The following ARMC3 variants were observed in gnomAD, a reference collection of about 807,000 sequenced individuals.
ARMC3 encodes armadillo repeat-containing protein 3.
ARMC3 carries 74 observed loss-of-function variants against 90.3 expected under a neutral mutation model. The ratio of observed to expected loss-of-function variants is 0.82; its 90% CI spans 0.68 to 0.99. The LOEUF (loss-of-function observed/expected upper bound fraction) is 0.99, where lower values mean the gene tolerates loss of function less well. Among genes scored for constraint, ARMC3 ranks in the 50% least tolerant of loss-of-function variants. The probability of loss-of-function intolerance (pLI) is 0.00; values close to 1 mark genes in which losing one functional copy is unlikely to be tolerated. For synonymous variants in ARMC3, 334 were observed against 361.8 expected, an observed-to-expected ratio of 0.92 and a Z score of 0.87; for missense variants, 958 against 1,042.8, an observed-to-expected ratio of 0.92 and a Z score of 1.12.
intron 10 of ARMC3, among the ~76,000 whole-genome samples, chr10:22,984,716 T>C (rs114093609): frequency 0.02 from 3,055 of 152,286 alleles, 92 homozygotes; most frequent in African/African-American, 0.062. Flanking sequence ...ATCACCTTAA[T>C]TGATGCCAAA....
At position 23,037,636 on chromosome 10, in the gene ARMC3, C is replaced by A. The variant is rs1449815265; in HGVS notation, c.*157C>A. 5.8e-6 allele frequency: 4 copies of A among 694,978 alleles called. No homozygotes were observed. The Admixed American group carries it at 9.9e-5, about 17-fold the overall frequency. The allele number at this position is 694,978 out of a possible 1,614,324, so 43.1% of individuals were successfully genotyped here. ...TAGAAATTAGGAAGCTTGGAGTGAACTTTGCTGTGCTTCTGATTTCAGGCT... is the reference window on the plus strand; with the variant it reads ...TAGAAATTAGGAAGCTTGGAGTGAAATTTGCTGTGCTTCTGATTTCAGGCT... On this transcript the variant is annotated 3_prime_UTR_variant, in exon 19 of 19. Transcript: ENST00000298032.
intron 18 of ARMC3, 149 bp from the exon 19 acceptor site, chr10:23,037,121 C>G: frequency 3.0e-6 from 2 of 659,114 alleles, no homozygotes; most frequent in South Asian, 5.9e-5. Flanking sequence ...GCCCCTATAC[C>G]AATAGTCCAC....
rs538156490 is a variant in ARMC3, at chr10:22,967,923, T to C, written c.733-383T>C. On this transcript the variant is annotated intron_variant, in intron 7 of 18. Coordinates refer to ENST00000298032, the MANE Select transcript of ARMC3 (RefSeq NM_173081.5). ...GGCCACACACTCGCAATACTTCTGTTATAGTCACAAATTATTTTAAAGTAT... is the reference window on the plus strand; with the variant it reads ...GGCCACACACTCGCAATACTTCTGTCATAGTCACAAATTATTTTAAAGTAT... 2.0e-5 allele frequency among the ~76,000 whole-genome samples: 3 copies of C among 152,346 alleles called. No homozygotes were observed. The South Asian group carries it at 6.2e-4, about 32-fold the overall frequency.
chr10:22,987,633 T>C (rs920296289), intron 10 of ARMC3, among the ~76,000 whole-genome samples: 3 of 152,206 alleles, frequency 2.0e-5, no homozygotes, highest in African/African-American at 4.8e-5. Flanking sequence ...AACTGAAGTT[T>C]TGTTACAGTA....
At chr10:22,949,279 AAGC>A (rs1834650311) in intron 3 of ARMC3, among the ~76,000 whole-genome samples, 1 of 152,244 alleles carries the variant, frequency 6.6e-6, no homozygotes, top group African/African-American at 2.4e-5. Context: ...GCATGAAAAA[AAGC>A]AGAAAAAACG....
intron 14 of ARMC3, among the ~76,000 whole-genome samples, chr10:23,008,058 C>T (rs1242493565): frequency 3.9e-5 from 6 of 152,050 alleles, no homozygotes; most frequent in East Asian, 3.9e-4. Context: ...GAGCCATCAT[C>T]GCACCACTGC....
chr10:22,970,840 C>T (rs1165590093), intron 8 of ARMC3, among the ~76,000 whole-genome samples: 3 of 152,112 alleles, frequency 2.0e-5, no homozygotes, highest in Non-Finnish European at 4.4e-5. Flanking sequence ...AGAAGGGGAG[C>T]GGTTTTGCTT....
chr10:22,962,268 T>A (rs1835232281), intron 7 of ARMC3, among the ~76,000 whole-genome samples, 190 bp downstream of exon 7: 1 of 152,218 alleles, frequency 6.6e-6, no homozygotes, highest in Non-Finnish European at 1.5e-5. Context: ...TTAAAAATCT[T>A]CTAGTTTAGC....
At chr10:23,013,032 A>G (rs1309273406) in intron 16 of ARMC3, among the ~76,000 whole-genome samples, 1 of 151,760 alleles carries the variant, frequency 6.6e-6, no homozygotes, top group Non-Finnish European at 1.5e-5. Flanking sequence ...GGGATTACAG[A>G]TGCGTGCCAT....
chr10:22,971,478 TCACC>T (rs1297115228), intron 8 of ARMC3, among the ~76,000 whole-genome samples: 1 of 145,622 alleles, frequency 6.9e-6, no homozygotes, highest in Non-Finnish European at 1.5e-5. Context: ...TCTCGCTCCA[TCACC>T]CAGGCTGGAG....
chr10:22,958,102 T>C lies in ARMC3; in HGVS notation c.293-968T>C, dbSNP rs138402862. On this transcript the variant is annotated intron_variant, in intron 4 of 18. Coordinates refer to ENST00000298032, the MANE Select transcript of ARMC3 (RefSeq NM_173081.5). ...ACACAAACCTTTGTAATATGTCTTA[T>C]GCAATTCTTTATTTTAAAAGTAGGA... 1.8e-3 allele frequency among the ~76,000 whole-genome samples: 268 copies of C among 152,268 alleles called. 1 individual carries two copies. Among genetic ancestry groups the C allele is most frequent in the African/African-American group, 6.1e-3 (254 of 41,568 alleles).
In ARMC3 at chr10:22,958,739, C is replaced by T. The variant is rs1419966744; in HGVS notation, c.293-331C>T. Among the ~76,000 whole-genome samples the T allele has an allele frequency of 6.6e-5, 10 of 152,118 alleles. No homozygotes were observed. In the East Asian group the frequency reaches 1.4e-3, roughly 21 times the overall value. On this transcript the variant is annotated intron_variant, in intron 4 of 18. Transcript: ENST00000298032. Reference sequence around the variant, plus strand: ...ACTACCATTATCATTATTATTATTTCGAGACAGGGTCTCACTCTGTTGCCC... The same window carrying T: ...ACTACCATTATCATTATTATTATTTTGAGACAGGGTCTCACTCTGTTGCCC...
At chr10:23,008,153 T>C in intron 14 of ARMC3, 123 bp from the exon 15 acceptor site, 1 of 533,462 alleles carries the variant, frequency 1.9e-6, no homozygotes. Flanking sequence ...TTAAAAACAG[T>C]ATGTCACTGT....
chr10:22,932,856 C>T lies in ARMC3; in HGVS notation c.48+812C>T, dbSNP rs142799368. ...GCCTTGAGCCAGCTCTGCCTCTTACCAACTGTGTCATTGTGGCCAATTTGC... is the reference window on the plus strand; with the variant it reads ...GCCTTGAGCCAGCTCTGCCTCTTACTAACTGTGTCATTGTGGCCAATTTGC... On this transcript the variant is annotated intron_variant, in intron 2 of 18. Coordinates refer to ENST00000298032, the MANE Select transcript of ARMC3 (RefSeq NM_173081.5). Among the ~76,000 whole-genome samples the T allele has an allele frequency of 2.1e-3, 325 of 152,316 alleles. 2 individuals are homozygous for T. The highest frequency in any genetic ancestry group is 6.2e-3 in the African/African-American group (258 of 41,556).
At chr10:22,968,638 A>G in intron 8 of ARMC3, 149 bp downstream of exon 8, 1 of 684,696 alleles carries the variant, frequency 1.5e-6, no homozygotes, top group South Asian at 2.5e-5. Flanking sequence ...AGTAGCTGGG[A>G]CTACAGGCAT....
chr10:23,027,092 GC>G (rs1427465445), intron 16 of ARMC3, among the ~76,000 whole-genome samples: 2 of 152,094 alleles, frequency 1.3e-5, no homozygotes, highest in Non-Finnish European at 2.9e-5. Context: ...GATTGATGTA[GC>G]TATCCTAAAA....
At chr10:22,943,870 G>T (rs1834417097) in intron 2 of ARMC3, among the ~76,000 whole-genome samples, 1 of 151,510 alleles carries the variant, frequency 6.6e-6, no homozygotes, top group African/African-American at 2.4e-5. Flanking sequence ...GGAGGTGGAG[G>T]TTGCAGTGAG....
chr10:23,035,643 T>TTCAC (rs1398772522), intron 18 of ARMC3, among the ~76,000 whole-genome samples: 1 of 152,086 alleles, frequency 6.6e-6, no homozygotes, highest in Non-Finnish European at 1.5e-5. Context: ...GCCCTAATAA[T>TTCAC]TCACTCACTC....
intron 16 of ARMC3, among the ~76,000 whole-genome samples, chr10:23,026,551 G>GATAAAA (rs1262813868): frequency 1.3e-5 from 2 of 151,804 alleles, no homozygotes; most frequent in African/African-American, 4.8e-5. Context: ...ATGTTGATAG[G>GATAAAA]ATAAAAATAA....
Sources: allele counts gnomAD v4.1 joint callset (sites outside exome capture counted in the v4.1 genomes callset), GRCh38; gene constraint gnomAD v4.1.1; transcripts MANE v1.5; gene names NCBI Gene and HGNC (gene_info 2026-07-23, HGNC 2026-07-21).